The following RSPH3 variants were observed in gnomAD, a reference collection of about 807,000 sequenced individuals.
RSPH3 encodes radial spoke head 3.
In RSPH3, 21 loss-of-function variants were observed where a neutral mutation model predicts 43.8. The observed-to-expected ratio is 0.48, with a 90% CI of 0.34 to 0.69. RSPH3 has a LOEUF of 0.69. RSPH3 is among the 30% of genes least tolerant of loss of function. The pLI is 0.01. For synonymous variants in RSPH3, 173 were observed against 179.8 expected (o/e 0.96, Z 0.30); for missense variants, 487 against 516.0 (o/e 0.94, Z 0.54).
At position 158,991,810 on chromosome 6, in the gene RSPH3, T is replaced by C. The variant is rs150352469; in HGVS notation, c.204+2029A>G. 3.2e-4 allele frequency among the ~76,000 whole-genome samples: 49 copies of C among 152,320 alleles called. No individual in the cohort carries two copies. The East Asian group carries it at 7.7e-3, about 24-fold the overall frequency. ...AAGTGTATATACATACATACATATA[T>C]ATATGTTTATTAAGTTAACCATTGC... On this transcript the variant is annotated intron_variant, in intron 2 of 7. Coordinates refer to ENST00000367069, the MANE Select transcript of RSPH3 (RefSeq NM_031924.8).
At chr6:158,972,594 C>G (rs1043656599), downstream of RSPH3, among the ~76,000 whole-genome samples, 6 of 152,110 alleles carry the variant, frequency 3.9e-5, no homozygotes, top group African/African-American at 1.4e-4. Context: ...TGGTTATAAT[C>G]TAAAATGTTA....
intron 2 of RSPH3, among the ~76,000 whole-genome samples, chr6:158,992,322 C>T (rs189585841): frequency 7.2e-4 from 110 of 152,228 alleles, no homozygotes; most frequent in African/African-American, 2.4e-3. Context: ...CTCTGTCACC[C>T]AGGCTGGAGT....
At chr6:158,983,878 A>T (rs188755906) in intron 3 of RSPH3, 71 bp from the exon 4 acceptor site, 1 of 1,126,334 alleles carries the variant, frequency 8.9e-7, no homozygotes, top group Non-Finnish European at 1.3e-6. Flanking sequence ...TCATGCCCAT[A>T]ATCCCAGCAC....
In RSPH3 at chr6:158,982,671, A is replaced by C. The variant is rs1054237791; in HGVS notation, c.510T>G (p.Leu170=). 6.2e-7 allele frequency: 1 copy of C among 1,613,300 alleles called. No homozygotes were observed. The highest frequency in any genetic ancestry group is 1.7e-5 in the Admixed American group (1 of 59,974). Reference sequence around the variant, plus strand: ...AAACTTCTAACACTGGTTTAACTTCAAGATCAAAGTCAAAGAGCTTAAACA... The same window carrying C: ...AAACTTCTAACACTGGTTTAACTTCCAGATCAAAGTCAAAGAGCTTAAACA... ...ILEGELFDFD[L]EVKPVLEVLV... is the part of the protein sequence containing the mutation. Residue 170 remains leucine, a synonymous_variant, in exon 5 of 8, where the codon CTT becomes CTG. Transcript: ENST00000367069.
At chr6:158,969,963 T>C (rs1425435818), downstream of RSPH3, among the ~76,000 whole-genome samples, 1 of 152,214 alleles carries the variant, frequency 6.6e-6, no homozygotes, top group Non-Finnish European at 1.5e-5. Flanking sequence ...GAATATATAA[T>C]AGCCAATTAA....
intron 2 of RSPH3, among the ~76,000 whole-genome samples, chr6:158,988,921 G>A (rs180725847): frequency 2.6e-5 from 4 of 152,130 alleles, no homozygotes; most frequent in Admixed American, 2.0e-4. Context: ...CTTTAAGTAG[G>A]TCATGGTTCT....
the RSPH3 span, among the ~76,000 whole-genome samples, chr6:158,964,028 A>G: frequency 6.6e-6 from 1 of 152,242 alleles, no homozygotes; most frequent in Non-Finnish European, 1.5e-5. Flanking sequence ...TTTCCTAGTT[A>G]TCAGGAATCA....
In RSPH3 at chr6:158,998,746, C is replaced by T. The variant is rs374303000; in HGVS notation, c.116+689G>A. The stretch of plus-strand genomic sequence containing the variant: ...TGGAGGGCGCCTCTAGTCCCAGCTA[C>T]TTGGGAGGCTGAGGCAGGAGAATCG... On this transcript the variant is annotated intron_variant, in intron 1 of 7. Transcript: ENST00000367069. 2.4e-4 allele frequency among the ~76,000 whole-genome samples: 35 copies of T among 143,450 alleles called. No individual in the cohort carries two copies. The South Asian group carries it at 7.3e-3, about 30-fold the overall frequency. The allele number at this position is 143,450 out of a possible 152,430, so 94.1% of individuals were successfully genotyped here.
intron 2 of RSPH3, among the ~76,000 whole-genome samples, chr6:158,990,972 G>A (rs79562999): frequency 0.018 from 2,695 of 148,248 alleles, 34 homozygotes; most frequent in Middle Eastern, 0.025. Context: ...TTTACTGACT[G>A]TTTCCTATGC....
intron 3 of RSPH3, among the ~76,000 whole-genome samples, 187 bp from the exon 4 acceptor site, chr6:158,983,994 C>T (rs1156722770): frequency 3.3e-5 from 5 of 151,786 alleles, no homozygotes; most frequent in East Asian, 1.9e-4. Flanking sequence ...ATTAGCTGGG[C>T]GTGGTGGTGC....
chr6:158,998,297 C>CAAAAA (rs71297000), intron 1 of RSPH3, among the ~76,000 whole-genome samples: 22 of 53,908 alleles, frequency 4.1e-4, no homozygotes, highest in South Asian at 8.2e-4. Context: ...TAAAAAAATA[C>CAAAAA]AAAAAAAAAA....
At chr6:158,969,240 T>C (rs953614957), downstream of RSPH3, among the ~76,000 whole-genome samples, 5 of 152,198 alleles carry the variant, frequency 3.3e-5, no homozygotes, top group Admixed American at 6.5e-5. Flanking sequence ...TATATGGGAA[T>C]GTCTTAATTT....
At chr6:158,985,636 G>A (rs748074103) in intron 3 of RSPH3, among the ~76,000 whole-genome samples, 4 of 151,898 alleles carry the variant, frequency 2.6e-5, no homozygotes, top group Admixed American at 6.6e-5. Context: ...CTTTGGTCTC[G>A]AACTCCTGGG....
At chr6:158,968,238 AT>A (rs1178423952), downstream of RSPH3, among the ~76,000 whole-genome samples, 1 of 151,356 alleles carries the variant, frequency 6.6e-6, no homozygotes, top group Non-Finnish European at 1.5e-5. Flanking sequence ...ACTGTTTTTT[AT>A]TTTTTATTTT....
At chr6:158,963,349 CCTTT>C in the RSPH3 span, among the ~76,000 whole-genome samples, 102 of 141,192 alleles carry the variant, frequency 7.2e-4, no homozygotes, top group East Asian at 1.2e-3. Flanking sequence ...CTCCTTCCTT[CCTTT>C]CTTTCTTTCA....
chr6:159,000,073 G>T lies in RSPH3; in HGVS notation c.-523C>A. 1 of 1,264,592 alleles carries T rather than the reference G, an allele frequency of 7.9e-7. No individual in the cohort carries two copies. Among genetic ancestry groups the T allele is most frequent in the Non-Finnish European group, 1.1e-6 (1 of 928,656 alleles). 78.3% of individuals were successfully genotyped at this position (1,264,592 alleles called of 1,614,324 possible). A position where few individuals can be genotyped will look rare whatever the true frequency, so the allele number is the denominator to read the frequency against. ...TGGCGCCATTCTCGCAGGCCCACGT[G>T]CTCCTGCTCTTCCAGGGTGTCCTCG... On this transcript the variant is annotated 5_prime_UTR_variant, in exon 1 of 8. Coordinates refer to ENST00000367069, the MANE Select transcript of RSPH3 (RefSeq NM_031924.8).
rs919047682 is a variant in RSPH3, at chr6:158,976,846, T to G, written c.*692A>C. On this transcript the variant is annotated 3_prime_UTR_variant, in exon 8 of 8. Coordinates refer to ENST00000367069, the MANE Select transcript of RSPH3 (RefSeq NM_031924.8). ...TTCTTTTTTTTTTGAGACGGAGTTTTGCTCTTGTTGCCCAGGCTGGAGTGC... is the reference window on the plus strand; with the variant it reads ...TTCTTTTTTTTTTGAGACGGAGTTTGGCTCTTGTTGCCCAGGCTGGAGTGC... 7 of 152,832 alleles carry G rather than the reference T, an allele frequency of 4.6e-5. No homozygotes were observed. Among genetic ancestry groups the G allele is most frequent in the African/African-American group, 1.7e-4 (7 of 41,450 alleles). 9.5% of individuals were successfully genotyped at this position (152,832 alleles called of 1,614,324 possible). A position where few individuals can be genotyped will look rare whatever the true frequency, so the allele number is the denominator to read the frequency against.
downstream of RSPH3, among the ~76,000 whole-genome samples, chr6:158,971,736 G>T (rs1373982233): frequency 6.6e-6 from 1 of 152,180 alleles, no homozygotes; most frequent in East Asian, 1.9e-4. Flanking sequence ...CATTGCAGCT[G>T]CTCAAAACTC....
At chr6:158,985,544 C>T (rs1241978288) in intron 3 of RSPH3, among the ~76,000 whole-genome samples, 1 of 152,080 alleles carries the variant, frequency 6.6e-6, no homozygotes, top group Non-Finnish European at 1.5e-5. Context: ...GATCCTTCTG[C>T]CTTAGCCTAC....
Sources: allele counts gnomAD v4.1 joint callset (sites outside exome capture counted in the v4.1 genomes callset), GRCh38; gene constraint gnomAD v4.1.1; transcripts MANE v1.5; gene names NCBI Gene and HGNC (gene_info 2026-07-23, HGNC 2026-07-21).